Variants in DENND1A observed in about 807,000 individuals in gnomAD.
DENND1A encodes DENN domain containing 1A, also known as DENN domain-containing protein 1A.
In DENND1A, 51 loss-of-function variants were observed where a neutral mutation model predicts 113.7. The ratio of observed to expected loss-of-function variants is 0.45; its 90% CI spans 0.36 to 0.57. DENND1A has a LOEUF of 0.57. DENND1A is among the 20% of genes least tolerant of loss of function. DENND1A has a pLI of 0.00. For missense variants in DENND1A, 1,258 were observed against 1,395.9 expected (o/e 0.90, Z 1.57); for synonymous variants, 565 against 570.8 (o/e 0.99, Z 0.14).
At chr9:123,871,955 A>G (rs911745754) in intron 2 of DENND1A, among the ~76,000 whole-genome samples, 1 of 152,182 alleles carries the variant, frequency 6.6e-6, no homozygotes, top group African/African-American at 2.4e-5. Context: ...AATGCATTCC[A>G]GAGTTTTTGT....
intron 5 of DENND1A, among the ~76,000 whole-genome samples, chr9:123,698,395 T>TA (rs1289326758): frequency 6.6e-6 from 1 of 152,230 alleles, no homozygotes; most frequent in Non-Finnish European, 1.5e-5. Flanking sequence ...ACCACAAGTG[T>TA]AGTAGTACTG....
At chr9:123,913,370 T>C (rs370631988) in intron 1 of DENND1A, among the ~76,000 whole-genome samples, 24 of 152,192 alleles carry the variant, frequency 1.6e-4, no homozygotes, top group African/African-American at 5.8e-4. Context: ...AATAGTCAAA[T>C]CAACCTTGAA....
At chr9:123,623,711 G>A (rs1274354571) in intron 10 of DENND1A, among the ~76,000 whole-genome samples, 1 of 152,186 alleles carries the variant, frequency 6.6e-6, no homozygotes, top group Non-Finnish European at 1.5e-5. Flanking sequence ...TCCACATAAT[G>A]GTAGGGTTTT....
intron 2 of DENND1A, among the ~76,000 whole-genome samples, chr9:123,795,837 C>CAGGGAAGA (rs1833681959): frequency 6.6e-6 from 1 of 152,150 alleles, no homozygotes; most frequent in African/African-American, 2.4e-5. Context: ...CAAAAATCTG[C>CAGGGAAGA]AGGGAAGAGT....
At chr9:123,568,090 GC>G (rs148087140) in intron 12 of DENND1A, among the ~76,000 whole-genome samples, 2,404 of 152,288 alleles carry the variant, frequency 0.016, 55 homozygotes, top group African/African-American at 0.054. Flanking sequence ...CTCAGATGGA[GC>G]AATGGCAGCA....
In DENND1A at chr9:123,596,875, A is replaced by G. The variant is rs143690760; in HGVS notation, c.765+12561T>C. Among the ~76,000 whole-genome samples the G allele has an allele frequency of 1.2e-3, 183 of 152,352 alleles. 2 individuals carry two copies. Among genetic ancestry groups the G allele is most frequent in the African/African-American group, 4.2e-3 (175 of 41,584 alleles). On this transcript the variant is annotated intron_variant, in intron 11 of 23. Coordinates refer to ENST00000394215, the MANE Select transcript of DENND1A (RefSeq NM_001352964.2). The stretch of plus-strand genomic sequence containing the variant: ...CAAGTTACTTAACCTCTCTGTGCCT[A>G]TATTTCATCATCTGTAAAATAGGGG...
At chr9:123,571,951 C>T (rs999091894) in intron 12 of DENND1A, among the ~76,000 whole-genome samples, 1 of 152,218 alleles carries the variant, frequency 6.6e-6, no homozygotes, top group African/African-American at 2.4e-5. Context: ...GCTTCCACAT[C>T]TTTGACAATA....
At chr9:123,834,107 T>C (rs1840707921) in intron 2 of DENND1A, among the ~76,000 whole-genome samples, 1 of 152,228 alleles carries the variant, frequency 6.6e-6, no homozygotes, top group African/African-American at 2.4e-5. Flanking sequence ...TTATCACTAC[T>C]GTTAAATGAA....
chr9:123,836,045 G>A (rs1841003656), intron 2 of DENND1A, among the ~76,000 whole-genome samples: 1 of 152,154 alleles, frequency 6.6e-6, no homozygotes. Context: ...GTGTTTGGCA[G>A]TTACTATTAT....
intron 4 of DENND1A, among the ~76,000 whole-genome samples, chr9:123,760,521 G>A (rs904697046): frequency 5.3e-5 from 8 of 152,168 alleles, no homozygotes; most frequent in African/African-American, 1.7e-4. Flanking sequence ...TAAAAGCAAC[G>A]TGGTCATAAA....
intron 2 of DENND1A, among the ~76,000 whole-genome samples, chr9:123,796,795 T>A (rs1833853490): frequency 8.4e-6 from 1 of 119,192 alleles, no homozygotes; most frequent in African/African-American, 3.6e-5. Context: ...ACACACATCT[T>A]ACCAAATTAT....
intron 10 of DENND1A, among the ~76,000 whole-genome samples, chr9:123,627,564 C>A (rs1349983967): frequency 1.3e-5 from 2 of 152,086 alleles, no homozygotes; most frequent in East Asian, 3.9e-4. Context: ...ACAAGGGAAA[C>A]TCCGTCTCTA....
At chr9:123,550,740 G>T (rs1306524770) in intron 13 of DENND1A, among the ~76,000 whole-genome samples, 1 of 152,190 alleles carries the variant, frequency 6.6e-6, no homozygotes, top group African/African-American at 2.4e-5. Context: ...TGAGGTAAAA[G>T]ATTGTTTAAA....
intron 2 of DENND1A, among the ~76,000 whole-genome samples, chr9:123,834,895 A>C (rs1337842003): frequency 1.3e-5 from 2 of 152,204 alleles, no homozygotes; most frequent in East Asian, 3.8e-4. Flanking sequence ...TCCATGTTTT[A>C]ACACATTTAA....
chr9:123,547,396 G>A (rs1396950039), intron 13 of DENND1A, among the ~76,000 whole-genome samples: 1 of 152,174 alleles, frequency 6.6e-6, no homozygotes, highest in East Asian at 1.9e-4. Context: ...GGGCATGGTG[G>A]CGCATGCCTG....
chr9:123,592,053 G>A (rs2059483978), intron 11 of DENND1A, among the ~76,000 whole-genome samples: 1 of 152,152 alleles, frequency 6.6e-6, no homozygotes, highest in South Asian at 2.1e-4. Context: ...ATAAAATAGG[G>A]ATAATACTGC....
chr9:123,838,956 A>G (rs1293261752), intron 2 of DENND1A, among the ~76,000 whole-genome samples: 2 of 152,206 alleles, frequency 1.3e-5, no homozygotes, highest in Non-Finnish European at 2.9e-5. Context: ...ATCTCCACAA[A>G]AAGCCACACA....
Position 123,583,129 on chromosome 9 carries a change from G to A in DENND1A, c.867+40C>T, listed in dbSNP as rs1350782623. The A allele has an allele frequency of 2.1e-6, 3 of 1,437,710 alleles. No homozygotes were observed. In the African/African-American group the frequency reaches 4.3e-5, roughly 20 times the overall value. The allele number at this position is 1,437,710 out of a possible 1,614,324, so 89.1% of individuals were successfully genotyped here. A position where few individuals can be genotyped will look rare whatever the true frequency, so the allele number is the denominator to read the frequency against. ...AAAGTCACGTTCATTTCCTTTGCAG[G>A]AGCTCACAGAAGTGAGATCCTCGCA... On this transcript the variant is annotated intron_variant, in intron 12 of 23. Coordinates refer to ENST00000394215, the MANE Select transcript of DENND1A (RefSeq NM_001352964.2).
intron 19 of DENND1A, among the ~76,000 whole-genome samples, chr9:123,435,795 G>GTGC (rs1226797031): frequency 1.3e-5 from 2 of 152,210 alleles, no homozygotes; most frequent in Non-Finnish European, 2.9e-5. Flanking sequence ...AGAAGCAGAG[G>GTGC]TGCTGCTGCT....
Sources: allele counts gnomAD v4.1 joint callset (sites outside exome capture counted in the v4.1 genomes callset), GRCh38; gene constraint gnomAD v4.1.1; transcripts MANE v1.5; gene names NCBI Gene and HGNC (gene_info 2026-07-23, HGNC 2026-07-21).